JARID2: variants seen among roughly 807,000 people sequenced by gnomAD.
JARID2 encodes jumonji and AT-rich interaction domain containing 2, also known as protein Jumonji.
Under a neutral mutation model 125.6 loss-of-function variants are expected in JARID2, and 21 were observed. The observed-to-expected ratio is 0.17, with a 90% CI of 0.12 to 0.24. The LOEUF is 0.24. Among genes scored for constraint, JARID2 ranks in the 10% least tolerant of loss-of-function variants. The pLI, the probability that JARID2 is intolerant of heterozygous loss-of-function variation, is 1.00. For missense variants in JARID2, 1,303 were observed against 1,639.6 expected (o/e 0.79, Z 3.55); for synonymous variants, 736 against 661.6 (o/e 1.11, Z -1.73).
intron 1 of JARID2, among the ~76,000 whole-genome samples, chr6:15,340,026 C>T (rs1430714308): frequency 6.6e-6 from 1 of 151,208 alleles, no homozygotes; most frequent in Non-Finnish European, 1.5e-5. Context: ...GTGGTGTGAT[C>T]TTGTCTCACT....
chr6:15,365,633 T>A (rs1038584597), intron 1 of JARID2, among the ~76,000 whole-genome samples: 4 of 151,576 alleles, frequency 2.6e-5, no homozygotes, highest in Non-Finnish European at 4.4e-5. Context: ...TTTTTTTTTT[T>A]AAATAGGCAG....
At chr6:15,380,282 A>G (rs2127525942) in intron 2 of JARID2, among the ~76,000 whole-genome samples, 1 of 152,200 alleles carries the variant, frequency 6.6e-6, no homozygotes, top group East Asian at 1.9e-4. Context: ...TGATCTGCCC[A>G]CGTCGGCTTC....
intron 4 of JARID2, among the ~76,000 whole-genome samples, chr6:15,458,364 G>A (rs978108345): frequency 1.1e-4 from 16 of 152,200 alleles, no homozygotes; most frequent in African/African-American, 3.6e-4. Flanking sequence ...TCCTATGACC[G>A]TGGGCATCAC....
chr6:15,364,113 C>T (rs906184002), intron 1 of JARID2, among the ~76,000 whole-genome samples: 9 of 152,092 alleles, frequency 5.9e-5, no homozygotes, highest in East Asian at 3.9e-4. Context: ...TGCTGGGGTT[C>T]GGGTGGGGTA....
chr6:15,460,722 A>G (rs1313161331), intron 4 of JARID2, among the ~76,000 whole-genome samples: 1 of 152,008 alleles, frequency 6.6e-6, no homozygotes, highest in Non-Finnish European at 1.5e-5. Flanking sequence ...GTTTTTTGAG[A>G]CGAAGTCTCC....
chr6:15,385,556 A>T (rs958664523), intron 2 of JARID2, among the ~76,000 whole-genome samples: 1 of 151,342 alleles, frequency 6.6e-6, no homozygotes, highest in South Asian at 2.1e-4. Context: ...ATTTATATAG[A>T]TAATTATCTA....
At chr6:15,346,931 T>TTTAGTAGAG (rs1380999481) in intron 1 of JARID2, among the ~76,000 whole-genome samples, 35 of 152,174 alleles carry the variant, frequency 2.3e-4, no homozygotes, top group Non-Finnish European at 3.8e-4. Context: ...AGACAGGGTT[T>TTTAGTAGAG]CACCATGTTG....
At chr6:15,442,644 TCC>T in intron 3 of JARID2, among the ~76,000 whole-genome samples, 1 of 152,232 alleles carries the variant, frequency 6.6e-6, no homozygotes, top group Admixed American at 6.5e-5. Flanking sequence ...CAGACAGCCT[TCC>T]ATAGGTGGTA....
rs60609244 is a variant in JARID2, at chr6:15,298,124, A to G, written c.45+51540A>G. Among the ~76,000 whole-genome samples the G allele has an allele frequency of 9.3e-3, 1,416 of 152,320 alleles. 85 individuals carry two copies. In the East Asian group the frequency reaches 0.15, roughly 16 times the overall value. Reference sequence around the variant, plus strand: ...CCCAACTTTTTCTTGATATGTAGCAATAGAAAATGGTGTAATCAGAATGCA... The same window carrying G: ...CCCAACTTTTTCTTGATATGTAGCAGTAGAAAATGGTGTAATCAGAATGCA... On this transcript the variant is annotated intron_variant, in intron 1 of 17. Coordinates refer to ENST00000341776, the MANE Select transcript of JARID2 (RefSeq NM_004973.4).
At chr6:15,457,601 CT>C (rs35659046) in intron 4 of JARID2, among the ~76,000 whole-genome samples, 5,669 of 127,042 alleles carry the variant, frequency 0.045, 214 homozygotes, top group African/African-American at 0.12. Context: ...GGATCCAGGT[CT>C]TTTTTTTTTT....
intron 1 of JARID2, among the ~76,000 whole-genome samples, chr6:15,284,824 TGAAAAA>T (rs1287271984): frequency 1.3e-5 from 2 of 152,054 alleles, no homozygotes; most frequent in African/African-American, 2.4e-5. Flanking sequence ...AAAATAAGGT[TGAAAAA>T]GAGTTAACAT....
chr6:15,407,585 C>T lies in JARID2; in HGVS notation c.182-2639C>T, dbSNP rs527823114. ...CCCTTCCCAGTCTTCCTGAGCTGCT[C>T]CTAGTCCTTATTTAGTTCGTTTTTT... On this transcript the variant is annotated intron_variant, in intron 2 of 17. Transcript: ENST00000341776. Among the ~76,000 whole-genome samples, 11 of 152,278 alleles carry T rather than the reference C, an allele frequency of 7.2e-5. No individual in the cohort carries two copies. The South Asian group carries it at 1.5e-3, about 20-fold the overall frequency.
At chr6:15,482,896 A>G (rs1435691032) in intron 5 of JARID2, among the ~76,000 whole-genome samples, 27 of 152,190 alleles carry the variant, frequency 1.8e-4, no homozygotes, top group Admixed American at 1.8e-3. Context: ...TCATTTGAAA[A>G]TAATGGTTCA....
intron 5 of JARID2, among the ~76,000 whole-genome samples, chr6:15,481,413 T>A (rs1769609327): frequency 6.6e-6 from 1 of 152,174 alleles, no homozygotes; most frequent in Admixed American, 6.5e-5. Context: ...CTTTCTGTCT[T>A]TCTCTCTCTT....
chr6:15,511,171 TC>T (rs1771259493), intron 12 of JARID2, 124 bp from the exon 13 acceptor site: 1 of 712,084 alleles, frequency 1.4e-6, no homozygotes. Context: ...CAGTGCGCCA[TC>T]CCTGCCGGCG....
At chr6:15,390,972 C>T (rs1764979019) in intron 2 of JARID2, among the ~76,000 whole-genome samples, 1 of 152,116 alleles carries the variant, frequency 6.6e-6, no homozygotes, top group Non-Finnish European at 1.5e-5. Context: ...AGGTGGTATT[C>T]TTACGATGAA....
At chr6:15,258,541 T>C (rs1759752664) in intron 1 of JARID2, among the ~76,000 whole-genome samples, 1 of 152,198 alleles carries the variant, frequency 6.6e-6, no homozygotes. Flanking sequence ...CCCAGCACTT[T>C]GGGAGGCCAA....
At chr6:15,420,780 G>A (rs1766451397) in intron 3 of JARID2, among the ~76,000 whole-genome samples, 1 of 152,184 alleles carries the variant, frequency 6.6e-6, no homozygotes, top group Non-Finnish European at 1.5e-5. Flanking sequence ...CCAAAGCAGT[G>A]TTTACTGTGA....
chr6:15,446,838 C>T (rs888012067), intron 3 of JARID2, among the ~76,000 whole-genome samples: 3 of 152,218 alleles, frequency 2.0e-5, no homozygotes, highest in Non-Finnish European at 2.9e-5. Context: ...AAGGCTTTGC[C>T]TAACCTGCCA....
Sources: allele counts gnomAD v4.1 joint callset (sites outside exome capture counted in the v4.1 genomes callset), GRCh38; gene constraint gnomAD v4.1.1; transcripts MANE v1.5; gene names NCBI Gene and HGNC (gene_info 2026-07-23, HGNC 2026-07-21).